Variants in SYT2 observed in about 807,000 individuals in gnomAD.
SYT2 encodes synaptotagmin-2.
In SYT2, 15 loss-of-function variants were observed where a neutral mutation model predicts 39.9. The observed-to-expected ratio is 0.38, with a 90% CI of 0.25 to 0.58. SYT2 has a LOEUF of 0.58. Among genes scored for constraint, SYT2 ranks in the 20% least tolerant of loss-of-function variants. The pLI, the probability that SYT2 is intolerant of heterozygous loss-of-function variation, is 0.70. For missense variants in SYT2, 389 were observed against 530.3 expected, an observed-to-expected ratio of 0.73 and a Z score of 2.62; for synonymous variants, 181 against 204.5, an observed-to-expected ratio of 0.89 and a Z score of 0.98.
At chr1:202,605,399 C>T (rs1197114592) in intron 2 of SYT2, 196 bp downstream of exon 2, 31 of 468,940 alleles carry the variant, frequency 6.6e-5, no homozygotes, top group Middle Eastern at 5.1e-4. Context: ...CGCACATAAA[C>T]CCCCTTGTTT....
chr1:202,697,390 C>G (rs1230634449), intron 1 of SYT2, among the ~76,000 whole-genome samples: 3 of 152,268 alleles, frequency 2.0e-5, no homozygotes, highest in Non-Finnish European at 4.4e-5. Flanking sequence ...GAGAGGGAGG[C>G]ACCTCTGCCC....
intron 1 of SYT2, among the ~76,000 whole-genome samples, chr1:202,647,827 C>T (rs529672962): frequency 6.6e-6 from 1 of 152,252 alleles, no homozygotes; most frequent in Non-Finnish European, 1.5e-5. Flanking sequence ...CCTCCTTCCC[C>T]CTCCTCCCTC....
chr1:202,629,144 C>A (rs982520184), intron 1 of SYT2, among the ~76,000 whole-genome samples: 8 of 152,166 alleles, frequency 5.3e-5, no homozygotes, highest in Non-Finnish European at 1.0e-4. Flanking sequence ...TAAGCCAATA[C>A]CCTTTTTTTA....
At chr1:202,644,523 C>T (rs756011712) in intron 1 of SYT2, among the ~76,000 whole-genome samples, 72 of 152,104 alleles carry the variant, frequency 4.7e-4, no homozygotes, top group Non-Finnish European at 8.8e-4. Flanking sequence ...TGCTGCTGTC[C>T]GGCCATTAAC....
At position 202,605,780 on chromosome 1, in the gene SYT2, G is replaced by A; in HGVS notation, c.-8C>T. On this transcript the variant is annotated 5_prime_UTR_variant, in exon 2 of 9. Transcript: ENST00000367268. ...CTTGAAAATGTTCCTCATGGTGGCAGAGGAAACAGCTGGGGACGAGAGGTG... is the reference window on the plus strand; with the variant it reads ...CTTGAAAATGTTCCTCATGGTGGCAAAGGAAACAGCTGGGGACGAGAGGTG... The A allele has an allele frequency of 6.2e-7, 1 of 1,613,596 alleles. No individual in the cohort carries two copies. Among genetic ancestry groups the A allele is most frequent in the Non-Finnish European group, 8.5e-7 (1 of 1,179,564 alleles).
Position 202,599,495 on chromosome 1 carries a change from G to A in SYT2, c.920-144C>T, listed in dbSNP as rs1690420998. The A allele has an allele frequency of 1.0e-6, 1 of 964,330 alleles. No homozygotes were observed. Among genetic ancestry groups the A allele is most frequent in the Non-Finnish European group, 1.5e-6 (1 of 672,752 alleles). 59.7% of individuals were successfully genotyped at this position (964,330 alleles called of 1,614,324 possible). On this transcript the variant is annotated intron_variant, in intron 7 of 8. Coordinates refer to ENST00000367268, the MANE Select transcript of SYT2 (RefSeq NM_177402.5). This position sits in a 1 kb window ranked among gnomAD's most constrained non-coding sequence, Gnocchi z 4.4. ...AGGCCCTCAGAAAGCCCCAAGTCAT[G>A]CCATCCAGTTCAAAGGTGGCAAAAG...
intron 1 of SYT2, among the ~76,000 whole-genome samples, chr1:202,668,163 T>G (rs554640134): frequency 6.6e-6 from 1 of 152,274 alleles, no homozygotes; most frequent in South Asian, 2.1e-4. Context: ...TTGAATATAT[T>G]GTAGGGCTCC....
intron 6 of SYT2, 39 bp from the exon 7 acceptor site, chr1:202,600,513 A>G: frequency 1.3e-6 from 2 of 1,592,384 alleles, no homozygotes; most frequent in South Asian, 2.2e-5. Flanking sequence ...CATCTCACCC[A>G]TCCTAGTGCC....
At chr1:202,653,260 T>C (rs755156198) in intron 1 of SYT2, among the ~76,000 whole-genome samples, 2 of 152,032 alleles carry the variant, frequency 1.3e-5, no homozygotes, top group African/African-American at 2.4e-5. Flanking sequence ...CATCCTCATA[T>C]CCCTGCATAG....
chr1:202,619,269 C>T lies in SYT2; in HGVS notation c.-17-13480G>A, dbSNP rs376717995. Among the ~76,000 whole-genome samples, 168 of 152,254 alleles carry T rather than the reference C, an allele frequency of 1.1e-3. No homozygotes were observed. In the South Asian group the frequency reaches 0.013, roughly 12 times the overall value. On this transcript the variant is annotated intron_variant, in intron 1 of 8. Coordinates refer to ENST00000367268, the MANE Select transcript of SYT2 (RefSeq NM_177402.5). ...ATAAATGGATCAGGGTGCCAGGGCT[C>T]CCAGGACAGAGTGAACTCCTCTGTC...
intron 1 of SYT2, among the ~76,000 whole-genome samples, chr1:202,655,809 A>C (rs1450752835): frequency 2.6e-5 from 4 of 152,182 alleles, no homozygotes; most frequent in Non-Finnish European, 5.9e-5. Flanking sequence ...CAAAGACCAG[A>C]AGATGTGGAT....
intron 1 of SYT2, among the ~76,000 whole-genome samples, chr1:202,705,939 T>A (rs960531551): frequency 6.6e-6 from 1 of 152,086 alleles, no homozygotes; most frequent in African/African-American, 2.4e-5. Flanking sequence ...GCGATCCTTC[T>A]ACCTCAGCCT....
chr1:202,609,712 C>T (rs1001694991), intron 1 of SYT2, among the ~76,000 whole-genome samples: 7 of 152,230 alleles, frequency 4.6e-5, no homozygotes, highest in African/African-American at 1.7e-4. Flanking sequence ...CTGTTCATAT[C>T]CTTTGCCCAC....
chr1:202,695,626 T>C (rs368169101), intron 1 of SYT2, among the ~76,000 whole-genome samples: 5 of 152,228 alleles, frequency 3.3e-5, no homozygotes, highest in Non-Finnish European at 5.9e-5. Flanking sequence ...GGATAGTTTA[T>C]GGTCAAAAAT....
intron 1 of SYT2, among the ~76,000 whole-genome samples, chr1:202,685,389 G>T (rs777590437): frequency 5.3e-5 from 8 of 152,144 alleles, no homozygotes; most frequent in Non-Finnish European, 1.2e-4. Flanking sequence ...TGGAGAATCA[G>T]TTGAGTTTAA....
At chr1:202,686,101 C>T (rs1464199030) in intron 1 of SYT2, among the ~76,000 whole-genome samples, 2 of 152,122 alleles carry the variant, frequency 1.3e-5, no homozygotes, top group Middle Eastern at 6.3e-3. Context: ...AATGTAACCC[C>T]CAATGTTGGA....
chr1:202,632,022 C>T, intron 1 of SYT2: 1 of 985,372 alleles, frequency 1.0e-6, no homozygotes, highest in Non-Finnish European at 1.2e-6. Flanking sequence ...GTGAGGACCA[C>T]AAGAGCTTCC....
At chr1:202,598,939 A>G (rs1182115109) in intron 8 of SYT2, among the ~76,000 whole-genome samples, 1 of 152,136 alleles carries the variant, frequency 6.6e-6, no homozygotes, top group Non-Finnish European at 1.5e-5. Flanking sequence ...CACCTTTGCT[A>G]TACCCCCATA....
chr1:202,698,109 A>ACCCC (rs370441300), intron 1 of SYT2, among the ~76,000 whole-genome samples: 1 of 133,878 alleles, frequency 7.5e-6, no homozygotes, highest in Non-Finnish European at 1.7e-5. Flanking sequence ...CCAGGGTCTC[A>ACCCC]CCACCCCCCC....
Sources: allele counts gnomAD v4.1 joint callset (sites outside exome capture counted in the v4.1 genomes callset), GRCh38; gene constraint gnomAD v4.1.1; non-coding constraint Gnocchi (gnomAD v3.1); transcripts MANE v1.5; gene names NCBI Gene and HGNC (gene_info 2026-07-23, HGNC 2026-07-21).